The following CDH9 variants were observed in gnomAD, a reference collection of about 807,000 sequenced individuals.
CDH9 encodes the protein cadherin 9.
In CDH9, 28 loss-of-function variants were observed where a neutral mutation model predicts 70.9. The observed-to-expected ratio is 0.40, with a 90% CI of 0.29 to 0.54. The LOEUF (loss-of-function observed/expected upper bound fraction) is 0.54, where lower values mean the gene tolerates loss of function less well. Ranked by LOEUF, CDH9 falls within the 20% of genes least tolerant of loss-of-function variation. The pLI, the probability that CDH9 is intolerant of heterozygous loss-of-function variation, is 0.59. For missense variants in CDH9, 874 were observed against 984.4 expected (o/e 0.89, Z 1.50); for synonymous variants, 409 against 343.1 (o/e 1.19, Z -2.12).
In CDH9 at chr5:26,889,952, G is replaced by T. The variant is rs1269088472; in HGVS notation, c.1396C>A (p.Pro466Thr). Reference sequence around the variant, plus strand: ...ACAGGGATGTGGCTACTTTGTTTTGGGTTATCTGCAACGAGAACACGTGTA... The same window carrying T: ...ACAGGGATGTGGCTACTTTGTTTTGTGTTATCTGCAACGAGAACACGTGTA... ...ITVTATEINNPKQSSHIPVFI... is the reference protein window; with the variant it reads ...ITVTATEINNTKQSSHIPVFI... Residue 466 changes from proline (P) to threonine (T), a missense_variant, in exon 9 of 12, where the codon CCA (proline) becomes ACA (threonine). Pro to Thr is a conservative substitution (Grantham distance 38). Coordinates refer to ENST00000231021, the MANE Select transcript of CDH9 (RefSeq NM_016279.4). 1.9e-6 allele frequency: 3 copies of T among 1,608,014 alleles called. No homozygotes were observed. The highest frequency in any genetic ancestry group is 2.5e-6 in the Non-Finnish European group (3 of 1,177,368).
intron 7 of CDH9, among the ~76,000 whole-genome samples, chr5:26,894,671 A>G (rs1740716047): frequency 6.6e-6 from 1 of 152,128 alleles, no homozygotes; most frequent in Non-Finnish European, 1.5e-5. Flanking sequence ...CTTATTAATA[A>G]TAAATACATT....
chr5:27,001,072 CTT>C (rs1306449379), intron 1 of CDH9, among the ~76,000 whole-genome samples: 3 of 151,892 alleles, frequency 2.0e-5, no homozygotes, highest in Non-Finnish European at 4.4e-5. Flanking sequence ...ACCCACAGAA[CTT>C]TATATAAAGG....
rs536628473 is a variant in CDH9 at position 26,926,758 on chromosome 5, C to T, written c.229-10834G>A. Among the ~76,000 whole-genome samples the T allele has an allele frequency of 1.1e-3, 173 of 151,824 alleles. 2 individuals are homozygous for T. The highest frequency in any genetic ancestry group is 3.8e-3 in the African/African-American group (159 of 41,408). ...GTACCAAAACAGATAAATAGACCAA[C>T]GGAACAGAACAGAGGCCTCAGAAAC... is the stretch of plus-strand genomic sequence containing the variant. On this transcript the variant is annotated intron_variant, in intron 2 of 11. Coordinates refer to ENST00000231021, the MANE Select transcript of CDH9 (RefSeq NM_016279.4).
rs557053600 is a variant in CDH9, at chr5:26,965,754, T to C, written c.228+22352A>G. On this transcript the variant is annotated intron_variant, in intron 2 of 11. Transcript: ENST00000231021. The stretch of plus-strand genomic sequence containing the variant: ...AGAAATGAAGAACACAGAGTGACAG[T>C]AAGAGCCAGAGTACTAGATTACTTT... Among the ~76,000 whole-genome samples, 235 of 152,082 alleles carry C rather than the reference T, an allele frequency of 1.5e-3. 4 individuals carry two copies. Among genetic ancestry groups the C allele is most frequent in the African/African-American group, 4.0e-3 (168 of 41,504 alleles).
At chr5:26,881,676 G>C (rs912309069) in intron 11 of CDH9, 53 bp from the exon 12 acceptor site, 8 of 1,503,398 alleles carry the variant, frequency 5.3e-6, no homozygotes, top group Non-Finnish European at 7.2e-6. Flanking sequence ...GGATAAAATA[G>C]AGTACACTTC....
At chr5:26,942,918 G>T (rs772256685) in intron 2 of CDH9, among the ~76,000 whole-genome samples, 1 of 152,096 alleles carries the variant, frequency 6.6e-6, no homozygotes, top group Admixed American at 6.5e-5. Context: ...GTAATGCAAA[G>T]GATGTGTCCC....
intron 1 of CDH9, among the ~76,000 whole-genome samples, chr5:27,034,306 G>A (rs1415443430): frequency 6.6e-6 from 1 of 151,566 alleles, no homozygotes; most frequent in Non-Finnish European, 1.5e-5. Context: ...TCTGATATGA[G>A]GGGTTGGCTT....
chr5:26,984,220 C>A (rs1196273823), intron 2 of CDH9, among the ~76,000 whole-genome samples: 2 of 152,102 alleles, frequency 1.3e-5, no homozygotes, highest in African/African-American at 4.8e-5. Flanking sequence ...AATAAAGATA[C>A]CTTATTTAAT....
At chr5:26,965,734 T>C (rs1742118716) in intron 2 of CDH9, among the ~76,000 whole-genome samples, 1 of 152,006 alleles carries the variant, frequency 6.6e-6, no homozygotes, top group African/African-American at 2.4e-5. Flanking sequence ...ACCCAAGAAA[T>C]GAAGAACACA....
chr5:26,890,618 ACT>A (rs1162783894), intron 7 of CDH9, 54 bp from the exon 8 acceptor site: 1 of 1,303,314 alleles, frequency 7.7e-7, no homozygotes, highest in South Asian at 1.2e-5. Flanking sequence ...TATTAGTTCT[ACT>A]CTTTCTTAAA....
intron 7 of CDH9, among the ~76,000 whole-genome samples, chr5:26,895,032 A>G (rs939937798): frequency 1.3e-5 from 2 of 152,082 alleles, no homozygotes; most frequent in Non-Finnish European, 2.9e-5. Context: ...ACCTAGCACA[A>G]ATAATCTAAA....
intron 2 of CDH9, among the ~76,000 whole-genome samples, chr5:26,981,185 T>A (rs1299888466): frequency 2.0e-5 from 3 of 152,108 alleles, no homozygotes; most frequent in Non-Finnish European, 4.4e-5. Flanking sequence ...TTAAAAAGGA[T>A]AATTTATAAT....
At chr5:26,888,987 T>C (rs1579663402) in intron 9 of CDH9, among the ~76,000 whole-genome samples, 1 of 152,238 alleles carries the variant, frequency 6.6e-6, no homozygotes, top group Non-Finnish European at 1.5e-5. Context: ...CCAAATACAA[T>C]GACACTAGGG....
intron 2 of CDH9, among the ~76,000 whole-genome samples, chr5:26,962,491 C>G (rs1742054677): frequency 6.6e-6 from 1 of 152,122 alleles, no homozygotes; most frequent in Admixed American, 6.5e-5. Context: ...CTGATGTTTC[C>G]TGACTTTTTA....
intron 3 of CDH9, among the ~76,000 whole-genome samples, chr5:26,910,117 T>C (rs1741023417): frequency 6.6e-6 from 1 of 152,114 alleles, no homozygotes; most frequent in African/African-American, 2.4e-5. Flanking sequence ...TCCCTCTATA[T>C]ATTTGTGCCT....
chr5:27,018,093 C>CA (rs964255744), intron 1 of CDH9, among the ~76,000 whole-genome samples: 15 of 150,436 alleles, frequency 1.0e-4, no homozygotes, highest in African/African-American at 2.7e-4. Context: ...TTTACTTTTA[C>CA]AAAAAAAAGG....
At chr5:26,901,257 T>C (rs1238588510) in intron 7 of CDH9, among the ~76,000 whole-genome samples, 1 of 151,968 alleles carries the variant, frequency 6.6e-6, no homozygotes, top group Non-Finnish European at 1.5e-5. Context: ...ATACTGATAA[T>C]GTATTTTTTT....
chr5:27,016,575 T>C (rs1486385183), intron 1 of CDH9, among the ~76,000 whole-genome samples: 1 of 151,904 alleles, frequency 6.6e-6, no homozygotes, highest in East Asian at 1.9e-4. Flanking sequence ...AATTTAGTTC[T>C]GTCGATTTTG....
intron 1 of CDH9, among the ~76,000 whole-genome samples, chr5:27,027,591 T>C (rs1348284322): frequency 1.3e-5 from 2 of 152,066 alleles, no homozygotes; most frequent in African/African-American, 4.8e-5. Flanking sequence ...AACTCACACA[T>C]GAAGTATAGA....
Sources: allele counts gnomAD v4.1 joint callset (sites outside exome capture counted in the v4.1 genomes callset), GRCh38; gene constraint gnomAD v4.1.1; transcripts MANE v1.5; gene names NCBI Gene and HGNC (gene_info 2026-07-23, HGNC 2026-07-21).